The following ZMYM6 variants were observed in gnomAD, a reference collection of about 807,000 sequenced individuals.
The protein encoded by ZMYM6 is zinc finger MYM-type containing 6.
In ZMYM6, 90 loss-of-function variants were observed where a neutral mutation model predicts 134.0. That is an observed-to-expected ratio of 0.67 (90% CI 0.57 to 0.80). The LOEUF is 0.80. Ranked by LOEUF, ZMYM6 falls within the 30% of genes least tolerant of loss-of-function variation. ZMYM6 has a pLI of 0.00. For synonymous variants in ZMYM6, 481 were observed against 524.1 expected, an observed-to-expected ratio of 0.92 and a Z score of 1.12; for missense variants, 1,362 against 1,533.9, an observed-to-expected ratio of 0.89 and a Z score of 1.87.
chr1:35,002,365 A>C (rs1484292403), intron 14 of ZMYM6, among the ~76,000 whole-genome samples: 1 of 152,170 alleles, frequency 6.6e-6, no homozygotes, highest in Non-Finnish European at 1.5e-5. Flanking sequence ...TTGCCAGTGC[A>C]TTTTTATATT....
rs113870590 is a variant in ZMYM6 at position 35,008,950 on chromosome 1, G to A, written c.1493-26C>T. 4.8e-4 allele frequency: 768 copies of A among 1,592,248 alleles called. 8 individuals are homozygous for A. The highest frequency in any genetic ancestry group is 1.7e-4 in the Middle Eastern group (1 of 5,980). On this transcript the variant is annotated intron_variant, in intron 10 of 15. Coordinates refer to ENST00000357182, the MANE Select transcript of ZMYM6 (RefSeq NM_007167.4). The stretch of plus-strand genomic sequence containing the variant: ...CTGAGGATCAGAGGGATGAAAGGAA[G>A]AAAAATCAAATTTACATTAACTGAG...
In ZMYM6 at chr1:35,030,658, A is replaced by G. The variant is rs1330031956; in HGVS notation, c.-19T>C. 3.7e-6 allele frequency: 6 copies of G among 1,606,904 alleles called. No homozygotes were observed. The highest frequency in any genetic ancestry group is 5.1e-6 in the Non-Finnish European group (6 of 1,175,956). ...CTTTCATTCTAATTTTTTACCTCAA[A>G]GAGTGTCTCAGGCTCAAACGAATAG... On this transcript the variant is annotated 5_prime_UTR_variant, in exon 2 of 16. Coordinates refer to ENST00000357182, the MANE Select transcript of ZMYM6 (RefSeq NM_007167.4).
In ZMYM6 at chr1:34,988,142, G is replaced by C; in HGVS notation, c.2940C>G (p.Thr980=). ...TGCCAGTCATGCTTGCAGCCCCATC[G>C]GTACAGAGACCAACACAATGTTTCC... ...LNWKHCVGLC[T]DGAASMTGRY... is the part of the protein sequence containing the mutation. Residue 980 remains threonine, a synonymous_variant, in exon 16 of 16, where the codon ACC becomes ACG. Coordinates refer to ENST00000357182, the MANE Select transcript of ZMYM6 (RefSeq NM_007167.4). The C allele has an allele frequency of 6.4e-7, 1 of 1,551,238 alleles. No homozygotes were observed. Among genetic ancestry groups the C allele is most frequent in the Non-Finnish European group, 8.7e-7 (1 of 1,146,942 alleles).
rs1223632122 is a variant in ZMYM6, at chr1:35,004,025, A to ATAT, written c.1955-23_1955-21dup. ...CTGCACCTGTTGTAAATTAAAACAA[A>ATAT]TATTATTATCCTTAGAATATACAGA... On this transcript the variant is annotated intron_variant, in intron 13 of 15. Transcript: ENST00000357182. 6.3e-7 allele frequency: 1 copy of ATAT among 1,591,926 alleles called. No homozygotes were observed. The highest frequency in any genetic ancestry group is 1.3e-5 in the African/African-American group (1 of 74,398).
chr1:34,992,455 C>T, intron 14 of ZMYM6, 68 bp from the exon 15 acceptor site: 1 of 1,506,248 alleles, frequency 6.6e-7, no homozygotes, highest in Admixed American at 2.2e-5. Context: ...ACTATAATTG[C>T]TATCAATTGA....
At position 35,014,837 on chromosome 1, in the gene ZMYM6, C is replaced by A. The variant is rs1641152181; in HGVS notation, c.655G>T (p.Ala219Ser). The A allele has an allele frequency of 6.2e-7, 1 of 1,614,062 alleles. No individual in the cohort carries two copies. Among genetic ancestry groups the A allele is most frequent in the African/African-American group, 1.3e-5 (1 of 74,928 alleles). Residue 219 changes from alanine to serine, a missense_variant, in exon 6 of 16, where the codon GCC becomes TCC. This residue lies in a region of ZMYM6 where 503 missense variants were observed against 520.8 expected (regional missense o/e 0.97). Coordinates refer to ENST00000357182, the MANE Select transcript of ZMYM6 (RefSeq NM_007167.4). The stretch of plus-strand genomic sequence containing the variant: ...GTAGAGTGAAATTTTGAAAAACAGG[C>A]ATCACTACAAAGACCATGTACCACA... ...QNVVHGLCSD[A>S]CFSKFHSTNN...
At chr1:35,025,493 GA>G (rs999388016) in intron 2 of ZMYM6, among the ~76,000 whole-genome samples, 36 of 121,924 alleles carry the variant, frequency 3.0e-4, no homozygotes, top group East Asian at 9.5e-4. Flanking sequence ...AAAAAAGAAA[GA>G]AAAAAAAAAG....
At chr1:34,989,302 C>G (rs1256028239) in intron 15 of ZMYM6, 8 of 978,144 alleles carry the variant, frequency 8.2e-6, no homozygotes, top group Non-Finnish European at 9.7e-6. Flanking sequence ...CTTTGGGACA[C>G]CAAGGTGGGT....
At chr1:35,003,320 G>A (rs540592679) in intron 14 of ZMYM6, among the ~76,000 whole-genome samples, 1 of 152,184 alleles carries the variant, frequency 6.6e-6, no homozygotes, top group Admixed American at 6.5e-5. Context: ...GGGCAACAAT[G>A]CCATAATTTG....
intron 10 of ZMYM6, among the ~76,000 whole-genome samples, chr1:35,010,139 A>G (rs1267828356): frequency 6.6e-6 from 1 of 151,912 alleles, no homozygotes; most frequent in African/African-American, 2.4e-5. Context: ...GCTCCCAAGT[A>G]GCTGGGATTA....
chr1:34,991,299 T>C (rs1432803441), intron 15 of ZMYM6, among the ~76,000 whole-genome samples: 1 of 152,114 alleles, frequency 6.6e-6, no homozygotes, highest in African/African-American at 2.4e-5. Flanking sequence ...ATAATATAAA[T>C]TCAGGTACAA....
chr1:34,988,578 A>G lies in ZMYM6; in HGVS notation c.2504T>C (p.Ile835Thr), dbSNP rs1223976821. 6.4e-7 allele frequency: 1 copy of G among 1,551,082 alleles called. No individual in the cohort carries two copies. The highest frequency in any genetic ancestry group is 2.0e-5 in the Admixed American group (1 of 50,974). Residue 835 changes from isoleucine to threonine, a missense_variant, in exon 16 of 16, where the codon ATT becomes ACT. Ile to Thr is a moderately conservative substitution (Grantham distance 89). Transcript: ENST00000357182. ...CTTGCTTGCAGCAGTTTGGAAAGCAATTAAATAAGAAGCTTTCACAAGTGA... is the reference window on the plus strand; with the variant it reads ...CTTGCTTGCAGCAGTTTGGAAAGCAGTTAAATAAGAAGCTTTCACAAGTGA... ...EKSLVKASYL[I>T]AFQTAASKKP...
In ZMYM6 at chr1:35,013,284, T is replaced by C. The variant is rs535748061; in HGVS notation, c.796-703A>G. 13 of 840,058 alleles carry C rather than the reference T, an allele frequency of 1.5e-5. 1 individual carries two copies. In the South Asian group the frequency reaches 7.1e-4, roughly 46 times the overall value. 52.0% of individuals were successfully genotyped at this position (840,058 alleles called of 1,614,324 possible). A position where few individuals can be genotyped will look rare whatever the true frequency, so the allele number is the denominator to read the frequency against. On this transcript the variant is annotated intron_variant, in intron 6 of 15. Coordinates refer to ENST00000357182, the MANE Select transcript of ZMYM6 (RefSeq NM_007167.4). The stretch of plus-strand genomic sequence containing the variant: ...TAAATTAACAGATGAGCAGAAGAAG[T>C]AGGAAATTAAACTCATTTCATCAGG...
rs1173633775 is a variant in ZMYM6, at chr1:35,030,714, C to A, written c.-74-1G>T. 7.4e-7 allele frequency: 1 copy of A among 1,345,462 alleles called. No homozygotes were observed. Among genetic ancestry groups the A allele is most frequent in the Admixed American group, 2.0e-5 (1 of 48,858 alleles). The allele number at this position is 1,345,462 out of a possible 1,614,324, so 83.3% of individuals were successfully genotyped here. ...TTCTTGGTAATGGATAGTTGGACAC[C>A]TAAAATACATACTCAGGCTTATTCT... is the stretch of plus-strand genomic sequence containing the variant. On this transcript the variant is annotated splice_acceptor_variant, in intron 1 of 15. Coordinates refer to ENST00000357182, the MANE Select transcript of ZMYM6 (RefSeq NM_007167.4). LOFTEE classifies it low-confidence loss of function (5UTR_SPLICE).
intron 13 of ZMYM6, 136 bp downstream of exon 13, chr1:35,004,996 T>C (rs1347493096): frequency 7.4e-6 from 7 of 949,800 alleles, no homozygotes; most frequent in Non-Finnish European, 1.1e-5. Flanking sequence ...AGGCGGTGGT[T>C]GCAGTGAGTT....
rs1283993901 is a variant in ZMYM6, at chr1:35,023,623, AT to A, written c.94-3157del. On this transcript the variant is annotated intron_variant, in intron 2 of 15. Coordinates refer to ENST00000357182, the MANE Select transcript of ZMYM6 (RefSeq NM_007167.4). ...AAATGAGTGTTTAAGATTCAATAAA[AT>A]TTTTTTTTTTTTTTTGGAGACAGAA... Among the ~76,000 whole-genome samples the A allele has an allele frequency of 3.3e-3, 474 of 142,970 alleles. 1 individual carries two copies. The highest frequency in any genetic ancestry group is 3.6e-3 in the Middle Eastern group (1 of 274). The allele number at this position is 142,970 out of a possible 152,430, so 93.8% of individuals were successfully genotyped here. A position where few individuals can be genotyped will look rare whatever the true frequency, so the allele number is the denominator to read the frequency against.
At chr1:34,999,037 T>G (rs1233167495) in intron 14 of ZMYM6, among the ~76,000 whole-genome samples, 1 of 152,060 alleles carries the variant, frequency 6.6e-6, no homozygotes, top group East Asian at 1.9e-4. Context: ...TGGGAGGGTC[T>G]CTCAATCCCA....
At chr1:35,020,193 T>C (rs1271868611) in intron 3 of ZMYM6, among the ~76,000 whole-genome samples, 190 bp downstream of exon 3, 1 of 152,206 alleles carries the variant, frequency 6.6e-6, no homozygotes, top group East Asian at 1.9e-4. Context: ...GTTTCCTTAC[T>C]ACACATATCA....
intron 6 of ZMYM6, chr1:35,012,928 G>A (rs1641111730): frequency 1.0e-6 from 1 of 985,062 alleles, no homozygotes; most frequent in African/African-American, 1.7e-5. Context: ...GTATAGTCTT[G>A]TACATCAATC....
Sources: gnomAD v4.1 joint callset for allele counts (sites outside exome capture counted in the v4.1 genomes callset) on GRCh38, gnomAD v4.1.1 for gene constraint, gnomAD v4.1.1 regional missense constraint, MANE v1.5 for transcripts, NCBI Gene and HGNC (gene_info 2026-07-23, HGNC 2026-07-21) for gene names.